The following PEX14 variants were observed in gnomAD, a reference collection of about 807,000 sequenced individuals.
PEX14 encodes peroxisomal biogenesis factor 14, also known as peroxisomal membrane protein PEX14.
A neutral mutation model predicts 49.5 loss-of-function variants in PEX14; 15 were observed. The observed-to-expected ratio is 0.30, with a 90% confidence interval of 0.20 to 0.47. PEX14 has a LOEUF of 0.47. Among genes scored for constraint, PEX14 ranks in the 20% least tolerant of loss-of-function variants. The pLI, the probability that PEX14 is intolerant of heterozygous loss-of-function variation, is 1.00. For missense variants in PEX14, 398 were observed against 494.8 expected, an observed-to-expected ratio of 0.80 and a Z score of 1.86; for synonymous variants, 210 against 212.7, an observed-to-expected ratio of 0.99 and a Z score of 0.11.
intron 1 of PEX14, among the ~76,000 whole-genome samples, chr1:10,485,525 C>G (rs1030014577): frequency 6.6e-6 from 1 of 150,832 alleles, no homozygotes; most frequent in Non-Finnish European, 1.5e-5. Flanking sequence ...TGCTGTGTTG[C>G]GCAGGCTGGT....
chr1:10,629,781 C>T lies in PEX14; in HGVS notation c.928C>T (p.Arg310Trp), dbSNP rs1295833050. The change falls in exon 9 of 9, where the codon CGG becomes TGG. Residue 310 changes from arginine to tryptophan, a missense_variant. Coordinates refer to ENST00000356607, the MANE Select transcript of PEX14 (RefSeq NM_004565.3). This position sits in a 1 kb window ranked among gnomAD's most constrained non-coding sequence, Gnocchi z 8.5. ...EGVVDVKGQV[R>W]MEVQGEEEKR... ...GGTGGTGGACGTCAAGGGCCAGGTG[C>T]GGATGGAGGTGCAAGGCGAGGAGGA... is the stretch of plus-strand genomic sequence containing the variant. The T allele has an allele frequency of 1.3e-6, 2 of 1,578,002 alleles. No homozygotes were observed. Among genetic ancestry groups the T allele is most frequent in the Non-Finnish European group, 8.6e-7 (1 of 1,157,712 alleles).
At position 10,578,294 on chromosome 1, in the gene PEX14, G is replaced by A. The variant is rs181109450; in HGVS notation, c.170-20944G>A. On this transcript the variant is annotated intron_variant, in intron 3 of 8. Transcript: ENST00000356607. ...GGTGGAGTCTTGTCAAGTTAGAGGC[G>A]ATTCGATAAACACCTTGGACTTTGC... 7.2e-5 allele frequency among the ~76,000 whole-genome samples: 11 copies of A among 152,210 alleles called. No homozygotes were observed. In the East Asian group the frequency reaches 1.7e-3, roughly 24 times the overall value.
chr1:10,537,347 C>CG, intron 3 of PEX14, among the ~76,000 whole-genome samples: 1 of 75,840 alleles, frequency 1.3e-5, no homozygotes, highest in South Asian at 8.8e-4. Context: ...CAGCACCCCC[C>CG]CCCCCCGCCA....
Position 10,504,092 on chromosome 1 carries a change from T to G in PEX14, c.84+8771T>G, listed in dbSNP as rs149032338. On this transcript the variant is annotated intron_variant, in intron 2 of 8. Coordinates refer to ENST00000356607, the MANE Select transcript of PEX14 (RefSeq NM_004565.3). ...TAGCTCATTGTCAAACCACGCAGAA[T>G]GATTTTTGGCTCAAAAAATATGATC... Among the ~76,000 whole-genome samples, 12 of 152,348 alleles carry G rather than the reference T, an allele frequency of 7.9e-5. No individual in the cohort carries two copies. The East Asian group carries it at 2.3e-3, about 29-fold the overall frequency.
intron 3 of PEX14, among the ~76,000 whole-genome samples, chr1:10,587,114 A>T (rs1306863610): frequency 3.3e-5 from 5 of 152,106 alleles, no homozygotes; most frequent in Non-Finnish European, 7.4e-5. Flanking sequence ...TACACTTAAA[A>T]ATGTGCATGC....
chr1:10,531,946 T>C (rs1262636973), intron 2 of PEX14, among the ~76,000 whole-genome samples: 1 of 152,188 alleles, frequency 6.6e-6, no homozygotes, highest in Non-Finnish European at 1.5e-5. Flanking sequence ...GGAAAACACA[T>C]AGGAAGCATC....
rs188425226 is a variant in PEX14, at chr1:10,496,986, A to T, written c.84+1665A>T. On this transcript the variant is annotated intron_variant, in intron 2 of 8. Coordinates refer to ENST00000356607, the MANE Select transcript of PEX14 (RefSeq NM_004565.3). Reference sequence around the variant, plus strand: ...TATATATATATATAAAATAATAATTAAAAAAACCCCCGAAATAAACTCCCA... The same window carrying T: ...TATATATATATATAAAATAATAATTTAAAAAACCCCCGAAATAAACTCCCA... 2.9e-3 allele frequency among the ~76,000 whole-genome samples: 437 copies of T among 151,636 alleles called. 2 individuals are homozygous for T. The highest frequency in any genetic ancestry group is 9.1e-3 in the African/African-American group (374 of 41,176).
intron 3 of PEX14, among the ~76,000 whole-genome samples, chr1:10,565,930 A>G (rs1344142538): frequency 6.6e-6 from 1 of 152,238 alleles, no homozygotes; most frequent in Non-Finnish European, 1.5e-5. Context: ...TCTTAAGCCC[A>G]GGAGTTCTGC....
chr1:10,504,287 C>T (rs1033553864), intron 2 of PEX14, among the ~76,000 whole-genome samples: 4 of 152,136 alleles, frequency 2.6e-5, no homozygotes, highest in Non-Finnish European at 4.4e-5. Flanking sequence ...CTTCTCTCTG[C>T]CATTATGAGT....
intron 5 of PEX14, 141 bp downstream of exon 5, chr1:10,618,558 CG>C: frequency 1.4e-6 from 1 of 735,356 alleles, no homozygotes; most frequent in Non-Finnish European, 2.4e-6. Context: ...TGGTAGAGGT[CG>C]GGGTTCACAG....
At chr1:10,505,976 A>G (rs996428628) in intron 2 of PEX14, among the ~76,000 whole-genome samples, 1 of 151,952 alleles carries the variant, frequency 6.6e-6, no homozygotes, top group Non-Finnish European at 1.5e-5. Context: ...TGTACTTTTG[A>G]GAGTCGTTTA....
intron 2 of PEX14, among the ~76,000 whole-genome samples, chr1:10,499,737 G>A (rs979249728): frequency 3.4e-4 from 52 of 152,220 alleles, no homozygotes; most frequent in African/African-American, 1.2e-3. Flanking sequence ...GTGAGCCAAC[G>A]TGCCTGGCCC....
At chr1:10,485,946 C>T (rs1441321853) in intron 1 of PEX14, among the ~76,000 whole-genome samples, 4 of 151,564 alleles carry the variant, frequency 2.6e-5, no homozygotes, top group Admixed American at 6.6e-5. Flanking sequence ...TTAGTAGAGA[C>T]GGGGTTTCAC....
intron 3 of PEX14, among the ~76,000 whole-genome samples, chr1:10,541,247 T>C (rs140892821): frequency 8.3e-4 from 127 of 152,320 alleles, no homozygotes; most frequent in African/African-American, 2.8e-3. Context: ...TCCCATGTTG[T>C]GGACAGCCCC....
chr1:10,486,611 T>A (rs1405317880), intron 1 of PEX14, among the ~76,000 whole-genome samples: 1 of 151,910 alleles, frequency 6.6e-6, no homozygotes, highest in Non-Finnish European at 1.5e-5. Flanking sequence ...GAGCCCTGGA[T>A]TTCCAGCTTA....
At chr1:10,620,202 T>C (rs1570362058) in intron 5 of PEX14, among the ~76,000 whole-genome samples, 1 of 151,906 alleles carries the variant, frequency 6.6e-6, no homozygotes, top group Non-Finnish European at 1.5e-5. Flanking sequence ...CTAATCCCAG[T>C]ACTTTGGGAG....
chr1:10,483,383 C>CT lies in PEX14; in HGVS notation c.36+8382dup, dbSNP rs376125074. ...CCAGGGTGGAGTGCAGTGGTATGATCTCGGCTTACTGCAATCTCCACTTCC... is the reference window on the plus strand; with the variant it reads ...CCAGGGTGGAGTGCAGTGGTATGATCTTCGGCTTACTGCAATCTCCACTTCC... On this transcript the variant is annotated intron_variant, in intron 1 of 8. Transcript: ENST00000356607. Among the ~76,000 whole-genome samples, 395 of 152,208 alleles carry CT rather than the reference C, an allele frequency of 2.6e-3. 1 individual carries two copies. Among genetic ancestry groups the CT allele is most frequent in the African/African-American group, 8.9e-3 (370 of 41,522 alleles).
intron 3 of PEX14, among the ~76,000 whole-genome samples, chr1:10,575,017 C>T (rs1041312926): frequency 8.0e-5 from 12 of 149,542 alleles, no homozygotes; most frequent in African/African-American, 2.7e-4. Flanking sequence ...GAGGCTGATG[C>T]GGGAGGGTAG....
chr1:10,551,023 A>G (rs764276518), intron 3 of PEX14, among the ~76,000 whole-genome samples: 1 of 152,164 alleles, frequency 6.6e-6, no homozygotes, highest in Admixed American at 6.5e-5. Context: ...TCTAAAGTAA[A>G]TGCCGTTGAC....
Sources: allele counts gnomAD v4.1 joint callset (sites outside exome capture counted in the v4.1 genomes callset), GRCh38; gene constraint gnomAD v4.1.1; non-coding constraint Gnocchi (gnomAD v3.1); transcripts MANE v1.5; gene names NCBI Gene and HGNC (gene_info 2026-07-23, HGNC 2026-07-21).